HELZ: variants seen among roughly 807,000 people sequenced by gnomAD.
HELZ encodes the protein ATP-dependent RNA helicase with zinc finger domain.
HELZ carries 23 observed loss-of-function variants against 218.2 expected under a neutral mutation model. The observed-to-expected ratio is 0.11, with a 90% CI of 0.08 to 0.15. The LOEUF is 0.15. HELZ is among the 10% of genes least tolerant of loss of function. The pLI is 1.00. For synonymous variants in HELZ, 814 were observed against 829.4 expected, an observed-to-expected ratio of 0.98 and a Z score of 0.32; for missense variants, 1,813 against 2,353.7, an observed-to-expected ratio of 0.77 and a Z score of 4.75.
intron 31 of HELZ, among the ~76,000 whole-genome samples, chr17:67,105,538 G>A (rs1447578766): frequency 1.3e-5 from 2 of 152,176 alleles, no homozygotes; most frequent in Non-Finnish European, 1.5e-5. Flanking sequence ...CAGTAGTGAT[G>A]ACTGTATAAC....
chr17:67,175,524 T>TG (rs1233638632), intron 13 of HELZ, among the ~76,000 whole-genome samples: 12 of 152,364 alleles, frequency 7.9e-5, no homozygotes, highest in African/African-American at 2.9e-4. Flanking sequence ...TATGAATGTC[T>TG]GTCACAGACT....
intron 5 of HELZ, among the ~76,000 whole-genome samples, chr17:67,203,766 A>G (rs1426370655): frequency 6.6e-6 from 1 of 152,234 alleles, no homozygotes; most frequent in African/African-American, 2.4e-5. Flanking sequence ...TTGCAGACTT[A>G]GCTGAATAAA....
At position 67,107,547 on chromosome 17, in the gene HELZ, G is replaced by A. The variant is rs781102768; in HGVS notation, c.4863C>T (p.Pro1621=). Residue 1621 remains proline, a synonymous_variant, in exon 31 of 33, where the codon CCC becomes CCT. Coordinates refer to ENST00000358691, the MANE Select transcript of HELZ (RefSeq NM_014877.4). ...GGCTACTGTGGTCTGTACTGGATGG[G>A]GGAGATGGGACTGCTGGTGGGCTTC... ...QSRSPPAVPS[P]PSSTDHSSHF... 2 of 1,614,050 alleles carry A rather than the reference G, an allele frequency of 1.2e-6. No homozygotes were observed. Among genetic ancestry groups the A allele is most frequent in the African/African-American group, 1.3e-5 (1 of 74,914 alleles).
At chr17:67,106,465 G>A (rs989700229) in intron 31 of HELZ, among the ~76,000 whole-genome samples, 50 of 151,444 alleles carry the variant, frequency 3.3e-4, no homozygotes, top group African/African-American at 1.2e-3. Flanking sequence ...CCGCCACCAC[G>A]CCCAGCTAAT....
chr17:67,218,477 C>T, intron 4 of HELZ, 118 bp downstream of exon 4: 1 of 795,602 alleles, frequency 1.3e-6, no homozygotes, highest in South Asian at 1.5e-5. Context: ...ATTCAGCAAT[C>T]ACCAGCCACT....
intron 9 of HELZ, among the ~76,000 whole-genome samples, chr17:67,191,705 G>A (rs1277100047): frequency 6.7e-6 from 1 of 149,652 alleles, no homozygotes; most frequent in Non-Finnish European, 1.5e-5. Flanking sequence ...ACCTGCCTTG[G>A]CCTCCCAAAG....
At chr17:67,201,810 T>C (rs896862221) in intron 6 of HELZ, among the ~76,000 whole-genome samples, 1 of 152,220 alleles carries the variant, frequency 6.6e-6, no homozygotes, top group Admixed American at 6.5e-5. Flanking sequence ...ATTCCTTTAT[T>C]ATCTACTTAG....
rs1439846916 is a variant in HELZ at position 67,070,801 on chromosome 17, T to A, written c.*7451A>T. On this transcript the variant is annotated 3_prime_UTR_variant, in exon 33 of 33. Coordinates refer to ENST00000358691, the MANE Select transcript of HELZ (RefSeq NM_014877.4). ...AAAAAAAATTGTTATAATTTTGCCA[T>A]AAGTTATGCCTATTTAGATGGCTGT... The A allele has an allele frequency of 3.3e-5, 5 of 152,212 alleles. No homozygotes were observed. The highest frequency in any genetic ancestry group is 7.3e-5 in the Non-Finnish European group (5 of 68,034). 9.4% of individuals were successfully genotyped at this position (152,212 alleles called of 1,614,324 possible).
chr17:67,154,971 A>G (rs575972501), intron 17 of HELZ, among the ~76,000 whole-genome samples: 5 of 152,352 alleles, frequency 3.3e-5, no homozygotes, highest in African/African-American at 1.2e-4. Flanking sequence ...TACTAAAGAA[A>G]AACTATGCAG....
At chr17:67,132,057 C>T (rs1203599519) in intron 23 of HELZ, among the ~76,000 whole-genome samples, 3 of 151,870 alleles carry the variant, frequency 2.0e-5, no homozygotes, top group Non-Finnish European at 4.4e-5. Flanking sequence ...GTTTAAAAAC[C>T]CAAGTGTGTA....
intron 3 of HELZ, among the ~76,000 whole-genome samples, chr17:67,226,273 A>G (rs1054493052): frequency 2.7e-5 from 4 of 150,374 alleles, no homozygotes; most frequent in East Asian, 1.9e-4. Context: ...AAAAAAAAAG[A>G]AAAAAGGAAA....
intron 21 of HELZ, among the ~76,000 whole-genome samples, chr17:67,139,655 T>C (rs1448040720): frequency 6.6e-6 from 1 of 152,082 alleles, no homozygotes. Context: ...TTACAAGAAA[T>C]TGAGAAGCAT....
intron 5 of HELZ, among the ~76,000 whole-genome samples, chr17:67,205,268 G>A (rs11657888): frequency 0.21 from 31,412 of 151,518 alleles, 3,502 homozygotes; most frequent in African/African-American, 0.3. Flanking sequence ...AAAGGTTGCA[G>A]TGAGCCAAGA....
chr17:67,109,139 C>T lies in HELZ; in HGVS notation c.4466G>A (p.Gly1489Glu). The T allele has an allele frequency of 6.2e-7, 1 of 1,612,784 alleles. No homozygotes were observed. Among genetic ancestry groups the T allele is most frequent in the Non-Finnish European group, 8.5e-7 (1 of 1,179,626 alleles). ...ACCTAAAGCCTCCCCTATAGGTAAT[C>T]CCGAGGGGTTCTCATCAATGAAGCT... ...LNSFIDENPS[G>E]LPIGEALDRI... is the part of the protein sequence containing the mutation. The change falls in exon 29 of 33, where the codon GGA becomes GAA. Residue 1489 changes from glycine (G) to glutamate (E), a missense_variant. By Grantham distance (98) the Gly-to-Glu change is moderately conservative (BLOSUM62 -2). Around this residue, in one of 4 missense-constraint regions of HELZ, gnomAD observed 938 missense variants for 1,027.5 expected, o/e 0.91. Transcript: ENST00000358691.
At chr17:67,193,854 TA>T in intron 9 of HELZ, 112 bp downstream of exon 9, 1 of 741,732 alleles carries the variant, frequency 1.3e-6, no homozygotes, top group Non-Finnish European at 2.3e-6. Flanking sequence ...TAATGACCTT[TA>T]TGGCTTCTGT....
At chr17:67,240,109 A>G (rs1335637098) in intron 2 of HELZ, among the ~76,000 whole-genome samples, 1 of 152,244 alleles carries the variant, frequency 6.6e-6, no homozygotes, top group Non-Finnish European at 1.5e-5. Flanking sequence ...TACCAACCTG[A>G]CTAAAGAACT....
At chr17:67,177,765 AT>A (rs1224306115) in intron 13 of HELZ, among the ~76,000 whole-genome samples, 2 of 152,130 alleles carry the variant, frequency 1.3e-5, no homozygotes, top group Non-Finnish European at 2.9e-5. Context: ...GAAATTAGGT[AT>A]TTTCAAAAGT....
intron 20 of HELZ, among the ~76,000 whole-genome samples, chr17:67,147,557 A>C (rs1382621665): frequency 6.6e-6 from 1 of 151,962 alleles, no homozygotes; most frequent in Non-Finnish European, 1.5e-5. Flanking sequence ...GGCTCACTGA[A>C]GCCTCAACCT....
intron 27 of HELZ, among the ~76,000 whole-genome samples, chr17:67,114,889 T>C (rs1282590771): frequency 6.6e-6 from 1 of 152,144 alleles, no homozygotes; most frequent in Non-Finnish European, 1.5e-5. Flanking sequence ...GTAATAGATA[T>C]CAAACCGTGT....
Sources: allele counts gnomAD v4.1 joint callset (sites outside exome capture counted in the v4.1 genomes callset), GRCh38; gene constraint gnomAD v4.1.1; regional missense constraint gnomAD v4.1.1; transcripts MANE v1.5; gene names NCBI Gene and HGNC (gene_info 2026-07-23, HGNC 2026-07-21).